HPSE2: variants seen among roughly 807,000 people sequenced by gnomAD.
The protein encoded by HPSE2 is heparanase 2 (inactive).
HPSE2 carries 38 observed loss-of-function variants against 60.5 expected under a neutral mutation model. The observed-to-expected ratio is 0.63, with a 90% CI of 0.48 to 0.82. The LOEUF (loss-of-function observed/expected upper bound fraction) is 0.82. Ranked by LOEUF, HPSE2 falls within the 40% of genes least tolerant of loss-of-function variation. The pLI is 0.00. For synonymous variants in HPSE2, 295 were observed against 293.2 expected (o/e 1.01, Z -0.06); for missense variants, 713 against 740.4 (o/e 0.96, Z 0.43).
At chr10:98,585,981 C>T (rs961209617) in intron 9 of HPSE2, among the ~76,000 whole-genome samples, 5 of 149,078 alleles carry the variant, frequency 3.4e-5, no homozygotes, top group Non-Finnish European at 5.9e-5. Flanking sequence ...AGTCCTTAAT[C>T]TCTTACCTAC....
chr10:98,703,949 T>C (rs1392867735), intron 5 of HPSE2, among the ~76,000 whole-genome samples: 2 of 152,046 alleles, frequency 1.3e-5, no homozygotes, highest in Admixed American at 6.6e-5. Flanking sequence ...ATAAAGAGTA[T>C]TCAAATAGGA....
intron 9 of HPSE2, among the ~76,000 whole-genome samples, chr10:98,499,347 TC>T (rs1284738508): frequency 6.6e-6 from 1 of 152,194 alleles, no homozygotes; most frequent in Non-Finnish European, 1.5e-5. Context: ...GGCCCTATCT[TC>T]AGCCTCCTGA....
At chr10:99,006,022 G>A (rs1956884199) in intron 3 of HPSE2, among the ~76,000 whole-genome samples, 1 of 152,156 alleles carries the variant, frequency 6.6e-6, no homozygotes, top group Non-Finnish European at 1.5e-5. Flanking sequence ...TCCTCAGGAG[G>A]AGACCTGGAG....
chr10:99,058,648 A>G (rs954790209), intron 3 of HPSE2, among the ~76,000 whole-genome samples: 6 of 152,222 alleles, frequency 3.9e-5, no homozygotes, highest in African/African-American at 7.2e-5. Flanking sequence ...TCCAAACTCT[A>G]TATTTTAAGC....
intron 3 of HPSE2, among the ~76,000 whole-genome samples, chr10:98,922,100 T>TTTAA (rs1308104023): frequency 1.1e-4 from 16 of 152,324 alleles, no homozygotes; most frequent in African/African-American, 3.6e-4. Flanking sequence ...ATAGAAATGA[T>TTTAA]TTAATTACCA....
chr10:98,464,732 C>T (rs1022883745), intron 11 of HPSE2, among the ~76,000 whole-genome samples: 1 of 152,158 alleles, frequency 6.6e-6, no homozygotes, highest in African/African-American at 2.4e-5. Flanking sequence ...TTCTGATCTT[C>T]CTGGATTGAG....
At chr10:98,983,169 T>C (rs1282461815) in intron 3 of HPSE2, among the ~76,000 whole-genome samples, 2 of 152,182 alleles carry the variant, frequency 1.3e-5, no homozygotes, top group Non-Finnish European at 2.9e-5. Context: ...TCAAGCACAT[T>C]ACATTTATTG....
intron 3 of HPSE2, among the ~76,000 whole-genome samples, chr10:98,747,286 C>T (rs1051525825): frequency 6.6e-6 from 1 of 151,962 alleles, no homozygotes; most frequent in Non-Finnish European, 1.5e-5. Context: ...TACTAAAATC[C>T]ATATCAAATG....
intron 3 of HPSE2, among the ~76,000 whole-genome samples, chr10:98,793,528 G>A (rs1950705100): frequency 6.6e-6 from 1 of 152,234 alleles, no homozygotes; most frequent in African/African-American, 2.4e-5. Context: ...AACAGACAAG[G>A]TCTGGCTATA....
intron 9 of HPSE2, among the ~76,000 whole-genome samples, chr10:98,587,146 C>T (rs1417348513): frequency 6.6e-6 from 1 of 152,118 alleles, no homozygotes; most frequent in Non-Finnish European, 1.5e-5. Context: ...ATATTATACC[C>T]TCTGTAAAAA....
intron 2 of HPSE2, among the ~76,000 whole-genome samples, chr10:99,203,830 A>C (rs534410899): frequency 1.6e-4 from 24 of 150,816 alleles, no homozygotes; most frequent in African/African-American, 5.1e-4. Context: ...CCATAATCTC[A>C]GGCTCCAGGC....
chr10:99,121,527 C>T (rs1034404433), intron 3 of HPSE2, among the ~76,000 whole-genome samples: 2 of 119,628 alleles, frequency 1.7e-5, no homozygotes, highest in Non-Finnish European at 4.0e-5. Flanking sequence ...AAAGATAATT[C>T]CCAGAAAAAA....
the HPSE2 span, among the ~76,000 whole-genome samples, chr10:99,278,303 A>G: frequency 2.6e-5 from 4 of 152,148 alleles, no homozygotes; most frequent in Non-Finnish European, 5.9e-5. Flanking sequence ...TCTATAATAA[A>G]TACATATTAC....
chr10:98,520,131 G>A (rs1942738622), intron 9 of HPSE2, among the ~76,000 whole-genome samples: 1 of 152,214 alleles, frequency 6.6e-6, no homozygotes, highest in African/African-American at 2.4e-5. Context: ...TGTGACTGGT[G>A]GGAAAGCATG....
chr10:99,231,002 A>T (rs1849626143), intron 2 of HPSE2, among the ~76,000 whole-genome samples: 1 of 152,200 alleles, frequency 6.6e-6, no homozygotes, highest in African/African-American at 2.4e-5. Flanking sequence ...TCTACTTGCA[A>T]TCCATACTTT....
chr10:99,031,516 G>C (rs1957498416), intron 3 of HPSE2, among the ~76,000 whole-genome samples: 1 of 152,154 alleles, frequency 6.6e-6, no homozygotes. Flanking sequence ...CTATGAGATA[G>C]ACACATTTCT....
chr10:98,486,918 G>A (rs1261627625), intron 10 of HPSE2, among the ~76,000 whole-genome samples: 2 of 152,056 alleles, frequency 1.3e-5, no homozygotes, highest in African/African-American at 4.8e-5. Context: ...TCAAAATATT[G>A]TTTTGTAAGA....
intron 3 of HPSE2, among the ~76,000 whole-genome samples, chr10:98,815,717 T>C (rs1042543304): frequency 6.6e-5 from 10 of 152,114 alleles, no homozygotes; most frequent in African/African-American, 2.4e-4. Flanking sequence ...AGTAAATATT[T>C]ACTGAAAGAA....
At chr10:98,574,273 T>TA (rs1386696046) in intron 9 of HPSE2, among the ~76,000 whole-genome samples, 2 of 151,950 alleles carry the variant, frequency 1.3e-5, no homozygotes, top group East Asian at 3.9e-4. Context: ...ACTGCAGCAT[T>TA]AAAAAACGTA....
Sources: allele counts gnomAD v4.1 joint callset (sites outside exome capture counted in the v4.1 genomes callset), GRCh38; gene constraint gnomAD v4.1.1; transcripts MANE v1.5; gene names NCBI Gene and HGNC (gene_info 2026-07-23, HGNC 2026-07-21).